Variants in ADAMTSL3 observed in about 807,000 individuals in gnomAD.
ADAMTSL3 encodes ADAMTS-like protein 3.
A neutral mutation model predicts 201.7 loss-of-function variants in ADAMTSL3; 128 were observed. The observed-to-expected ratio is 0.63, with a 90% CI of 0.55 to 0.73. The LOEUF (loss-of-function observed/expected upper bound fraction) is 0.73, where lower values mean the gene tolerates loss of function less well. Ranked by LOEUF, ADAMTSL3 falls within the 30% of genes least tolerant of loss-of-function variation. The pLI is 0.00. For missense variants in ADAMTSL3, 1,990 were observed against 2,119.6 expected, an observed-to-expected ratio of 0.94 and a Z score of 1.20; for synonymous variants, 738 against 748.4, an observed-to-expected ratio of 0.99 and a Z score of 0.23.
At position 83,714,860 on chromosome 15, in the gene ADAMTSL3, CCCTCCCTCCCTCCCTCCCTTCCTTCCTT is replaced by C. The variant is rs1238047560; in HGVS notation, c.189+10356_189+10383del. Among the ~76,000 whole-genome samples the C allele has an allele frequency of 4.6e-3, 196 of 42,998 alleles. 8 individuals are homozygous for C. The South Asian group carries it at 0.047, about 10-fold the overall frequency. The allele number at this position is 42,998 out of a possible 152,430, so 28.2% of individuals were successfully genotyped here. Reference sequence around the variant, plus strand: ...TTTCTTTCTCTCTCTTTCCCTCCCTCCCTCCCTCCCTCCCTCCCTTCCTTCCTTCCTTCCTTCCTTCCTTCCTTCCTTC... The same window carrying C: ...TTTCTTTCTCTCTCTTTCCCTCCCTCCCTTCCTTCCTTCCTTCCTTCCTTC... On this transcript the variant is annotated intron_variant, in intron 3 of 29. Transcript: ENST00000286744.
intron 6 of ADAMTSL3, among the ~76,000 whole-genome samples, chr15:83,829,292 A>G (rs906792099): frequency 1.3e-5 from 2 of 152,210 alleles, no homozygotes; most frequent in Non-Finnish European, 2.9e-5. Context: ...CATTTCTTCT[A>G]GATTTTCTAG....
At chr15:83,754,755 A>G (rs144947522) in intron 3 of ADAMTSL3, among the ~76,000 whole-genome samples, 1,740 of 152,316 alleles carry the variant, frequency 0.011, 38 homozygotes, top group African/African-American at 0.039. Flanking sequence ...AATTTAATAG[A>G]TGATAAGGAA....
intron 6 of ADAMTSL3, among the ~76,000 whole-genome samples, chr15:83,826,973 G>T (rs1467415488): frequency 6.6e-6 from 1 of 152,022 alleles, no homozygotes; most frequent in Admixed American, 6.6e-5. Flanking sequence ...ATAAACATAC[G>T]TGTGCCTGTG....
intron 2 of ADAMTSL3, among the ~76,000 whole-genome samples, chr15:83,698,927 G>A (rs570084650): frequency 6.6e-6 from 1 of 151,654 alleles, no homozygotes; most frequent in South Asian, 2.1e-4. Context: ...CCTAATATAG[G>A]GTGTTTTCCT....
intron 6 of ADAMTSL3, among the ~76,000 whole-genome samples, chr15:83,837,126 C>T (rs1011802312): frequency 4.6e-5 from 7 of 151,754 alleles, no homozygotes; most frequent in East Asian, 1.9e-4. Flanking sequence ...AGTATAAACA[C>T]GTATTTTATA....
intron 4 of ADAMTSL3, among the ~76,000 whole-genome samples, chr15:83,798,821 AAAAC>A (rs1305718555): frequency 6.6e-6 from 1 of 151,104 alleles, no homozygotes; most frequent in Non-Finnish European, 1.5e-5. Context: ...AAAAAAAAAA[AAAAC>A]AAAAAAAAAG....
intron 12 of ADAMTSL3, among the ~76,000 whole-genome samples, chr15:83,892,284 C>T (rs949092595): frequency 1.3e-5 from 2 of 151,924 alleles, no homozygotes; most frequent in Non-Finnish European, 2.9e-5. Context: ...GTAATCCCAG[C>T]ACTTTGGGAT....
chr15:84,018,347 A>G (rs1459039802), intron 25 of ADAMTSL3, among the ~76,000 whole-genome samples: 3 of 152,216 alleles, frequency 2.0e-5, no homozygotes, highest in Non-Finnish European at 4.4e-5. Flanking sequence ...TTGCATGGCT[A>G]ATATTTCACA....
intron 28 of ADAMTSL3, among the ~76,000 whole-genome samples, chr15:84,036,492 A>C (rs781318887): frequency 1.3e-5 from 2 of 152,100 alleles, no homozygotes; most frequent in Non-Finnish European, 2.9e-5. Context: ...GTGTGCCTTG[A>C]CTTGGTGTTG....
At chr15:83,882,142 C>T (rs932078605) in intron 9 of ADAMTSL3, among the ~76,000 whole-genome samples, 5 of 151,608 alleles carry the variant, frequency 3.3e-5, no homozygotes, top group South Asian at 4.2e-4. Context: ...GGCGACAGAG[C>T]GAGACTCTGT....
At chr15:83,741,591 A>G (rs1478647289) in intron 3 of ADAMTSL3, among the ~76,000 whole-genome samples, 1 of 152,238 alleles carries the variant, frequency 6.6e-6, no homozygotes, top group Non-Finnish European at 1.5e-5. Context: ...ACTGTAAAGG[A>G]GGATACAAAA....
chr15:83,775,646 T>C (rs1266722964), intron 4 of ADAMTSL3, among the ~76,000 whole-genome samples: 1 of 152,140 alleles, frequency 6.6e-6, no homozygotes, highest in Non-Finnish European at 1.5e-5. Context: ...GGAGAGTTCT[T>C]GGCTTTATTG....
intron 9 of ADAMTSL3, among the ~76,000 whole-genome samples, chr15:83,872,277 G>A (rs1444497591): frequency 4.0e-5 from 6 of 151,818 alleles, no homozygotes; most frequent in African/African-American, 4.8e-5. Context: ...TTCCAGTCTC[G>A]GGTCTGCCGT....
At chr15:83,854,110 C>T (rs1350070485) in intron 7 of ADAMTSL3, among the ~76,000 whole-genome samples, 2 of 152,088 alleles carry the variant, frequency 1.3e-5, no homozygotes, top group African/African-American at 4.8e-5. Context: ...ATTATAATTT[C>T]TAAATATTAT....
intron 19 of ADAMTSL3, among the ~76,000 whole-genome samples, chr15:83,958,272 T>C (rs903188179): frequency 5.9e-5 from 9 of 152,194 alleles, no homozygotes; most frequent in African/African-American, 2.2e-4. Context: ...CAGAGTGTGA[T>C]TGGTTCCAGA....
At chr15:83,855,695 T>C (rs1054844141) in intron 7 of ADAMTSL3, among the ~76,000 whole-genome samples, 6 of 152,224 alleles carry the variant, frequency 3.9e-5, no homozygotes, top group Non-Finnish European at 7.3e-5. Context: ...GCATTTTTCT[T>C]TGATAATTAC....
At chr15:83,655,704 TA>T in intron 1 of ADAMTSL3, 24 bp from the exon 2 acceptor site, 1 of 1,564,228 alleles carries the variant, frequency 6.4e-7, no homozygotes, top group Non-Finnish European at 8.8e-7. Context: ...AGCTGGTTGG[TA>T]ATGAACTCTT....
chr15:83,869,185 A>G (rs1012021095), intron 8 of ADAMTSL3, among the ~76,000 whole-genome samples: 6 of 152,134 alleles, frequency 3.9e-5, no homozygotes, highest in Non-Finnish European at 7.3e-5. Flanking sequence ...TTTGCATCTT[A>G]ATATTGCCTT....
intron 8 of ADAMTSL3, among the ~76,000 whole-genome samples, chr15:83,861,049 C>T (rs1161873377): frequency 1.3e-5 from 2 of 152,180 alleles, no homozygotes; most frequent in African/African-American, 2.4e-5. Context: ...GGTCCTATGC[C>T]CACGGAGCCT....
Sources: gnomAD v4.1 joint callset for allele counts (sites outside exome capture counted in the v4.1 genomes callset) on GRCh38, gnomAD v4.1.1 for gene constraint, MANE v1.5 for transcripts, NCBI Gene and HGNC (gene_info 2026-07-23, HGNC 2026-07-21) for gene names.